Variants in KDM4C observed in about 807,000 individuals in gnomAD.
The protein encoded by KDM4C is lysine-specific demethylase 4C.
A neutral mutation model predicts 129.3 loss-of-function variants in KDM4C; 81 were observed. That is an observed-to-expected ratio of 0.63 (90% CI 0.52 to 0.75). The LOEUF is 0.75. KDM4C is among the 30% of genes least tolerant of loss of function. KDM4C has a pLI of 0.00. For synonymous variants in KDM4C, 573 were observed against 456.1 expected, an observed-to-expected ratio of 1.26 and a Z score of -3.26; for missense variants, 1,457 against 1,304.0, an observed-to-expected ratio of 1.12 and a Z score of -1.81.
intron 19 of KDM4C, among the ~76,000 whole-genome samples, chr9:7,136,355 G>C (rs545824403): frequency 6.6e-6 from 1 of 152,302 alleles, no homozygotes; most frequent in South Asian, 2.1e-4. Context: ...TTAGGAGTGA[G>C]ATTACTAAGT....
At chr9:7,056,351 A>AG (rs1830866077) in intron 17 of KDM4C, among the ~76,000 whole-genome samples, 1 of 16,574 alleles carries the variant, frequency 6.0e-5, no homozygotes, top group African/African-American at 2.1e-4. Context: ...AGTGTAGTGC[A>AG]AAAAAAAAAA....
chr9:7,044,367 C>T (rs1352363281), intron 15 of KDM4C, among the ~76,000 whole-genome samples: 1 of 151,978 alleles, frequency 6.6e-6, no homozygotes, highest in African/African-American at 2.4e-5. Flanking sequence ...TTCTAGCCCT[C>T]TGAGGCCATA....
intron 1 of KDM4C, among the ~76,000 whole-genome samples, chr9:6,788,356 A>C (rs1468707100): frequency 6.6e-6 from 1 of 152,200 alleles, no homozygotes; most frequent in Non-Finnish European, 1.5e-5. Context: ...TGCCTAGGGA[A>C]ATGCTCGGGC....
At chr9:6,857,718 G>A (rs192022090) in intron 5 of KDM4C, among the ~76,000 whole-genome samples, 5 of 151,522 alleles carry the variant, frequency 3.3e-5, no homozygotes, top group African/African-American at 7.3e-5. Context: ...GTCAGTCAAC[G>A]TGCAAAGCAA....
At chr9:6,957,479 G>T (rs943397835) in intron 8 of KDM4C, among the ~76,000 whole-genome samples, 1 of 152,012 alleles carries the variant, frequency 6.6e-6, no homozygotes, top group African/African-American at 2.4e-5. Context: ...TTTAGAGCTT[G>T]TTAATACCAC....
At position 6,758,014 on chromosome 9, in the gene KDM4C, A is replaced by T. The variant is rs533479364; in HGVS notation, c.-207A>T. On this transcript the variant is annotated 5_prime_UTR_variant, in exon 1 of 22. Coordinates refer to ENST00000381309, the MANE Select transcript of KDM4C (RefSeq NM_015061.6). The surrounding 1 kb of genome is among the most constrained non-coding windows in gnomAD (Gnocchi z 4.6). ...GCGCCTTCGCCGCTGCCTCCCACCC[A>T]CCCCCTCGACGGGAGGGTGAGGCGC... 1 of 984,542 alleles carries T rather than the reference A, an allele frequency of 1.0e-6. No homozygotes were observed. The highest frequency in any genetic ancestry group is 6.2e-5 in the Admixed American group (1 of 16,238). The allele number at this position is 984,542 out of a possible 1,614,324, so 61.0% of individuals were successfully genotyped here.
intron 10 of KDM4C, among the ~76,000 whole-genome samples, chr9:6,984,718 C>G (rs1045213687): frequency 1.3e-5 from 2 of 151,212 alleles, no homozygotes; most frequent in African/African-American, 4.9e-5. Context: ...TGGAAGGCTT[C>G]TTTTGAATTC....
In KDM4C at chr9:6,729,225, A is replaced by AAAAAAAG. The variant is rs1380989308; in HGVS notation, c.49+8230_49+8231insAAAAGAA. ...TCTCCAAAAAAAAAAAAAAAAAAAAAAAGAAGAAGAAAAGAAATAAATGGA... is the reference window on the plus strand; with the variant it reads ...TCTCCAAAAAAAAAAAAAAAAAAAAAAAAAAAGAAGAAGAAGAAAAGAAATAAATGGA... On this transcript the variant is annotated intron_variant, in intron 1 of 17. Transcript: ENST00000536108. Among the ~76,000 whole-genome samples the AAAAAAAG allele has an allele frequency of 4.2e-5, 5 of 120,394 alleles. 1 individual carries two copies. Among genetic ancestry groups the AAAAAAAG allele is most frequent in the African/African-American group, 1.1e-4 (3 of 27,604 alleles). 79.0% of individuals were successfully genotyped at this position (120,394 alleles called of 152,430 possible).
chr9:6,824,148 A>G (rs1285636834), intron 4 of KDM4C, among the ~76,000 whole-genome samples: 1 of 152,238 alleles, frequency 6.6e-6, no homozygotes, highest in Non-Finnish European at 1.5e-5. Context: ...AAATTATTGT[A>G]GCAAATAGTT....
At chr9:7,054,664 G>A (rs900446096) in intron 17 of KDM4C, among the ~76,000 whole-genome samples, 1 of 152,192 alleles carries the variant, frequency 6.6e-6, no homozygotes, top group Non-Finnish European at 1.5e-5. Context: ...TTAAAAAGAA[G>A]TATGGATTTC....
chr9:6,783,414 C>G (rs4742264), intron 1 of KDM4C, among the ~76,000 whole-genome samples: 1 of 151,942 alleles, frequency 6.6e-6, no homozygotes, highest in Non-Finnish European at 1.5e-5. Context: ...CAGCTTTATA[C>G]TCATCTTCAA....
At chr9:7,006,830 A>G (rs556231737) in intron 12 of KDM4C, among the ~76,000 whole-genome samples, 1 of 152,284 alleles carries the variant, frequency 6.6e-6, no homozygotes, top group Non-Finnish European at 1.5e-5. Flanking sequence ...GGTCTAAGTG[A>G]GAATGAATAC....
At chr9:7,024,112 G>A (rs139459773) in intron 15 of KDM4C, among the ~76,000 whole-genome samples, 57 of 152,184 alleles carry the variant, frequency 3.7e-4, no homozygotes, top group African/African-American at 1.2e-3. Flanking sequence ...TGTGACCTTC[G>A]TATGAAATGT....
chr9:6,993,897 G>T (rs2821455), intron 12 of KDM4C, among the ~76,000 whole-genome samples: 1 of 152,304 alleles, frequency 6.6e-6, no homozygotes, highest in African/African-American at 2.4e-5. Flanking sequence ...ATTCAATGCT[G>T]CCTGCTCTCT....
chr9:6,835,059 G>A lies in KDM4C; in HGVS notation c.436-14448G>A, dbSNP rs368082361. 4.1e-5 allele frequency: 39 copies of A among 959,696 alleles called. No homozygotes were observed. The East Asian group carries it at 5.0e-4, about 12-fold the overall frequency. The allele number at this position is 959,696 out of a possible 1,614,324, so 59.4% of individuals were successfully genotyped here. ...AGCGTGGCTACAGCTTCACCACCAC[G>A]GCTGAGTGGGATATCGTGCGTGACA... On this transcript the variant is annotated intron_variant, in intron 4 of 21. Coordinates refer to ENST00000381309, the MANE Select transcript of KDM4C (RefSeq NM_015061.6).
At chr9:7,089,740 C>T (rs1239965586) in intron 17 of KDM4C, among the ~76,000 whole-genome samples, 2 of 152,170 alleles carry the variant, frequency 1.3e-5, no homozygotes, top group African/African-American at 4.8e-5. Context: ...ATGTAATTCC[C>T]AAAGGGTGGG....
chr9:7,133,011 A>G (rs905381238), intron 19 of KDM4C, among the ~76,000 whole-genome samples: 6 of 152,198 alleles, frequency 3.9e-5, no homozygotes, highest in Admixed American at 3.3e-4. Context: ...GGGGGTGAGT[A>G]GTTATGGCCT....
intron 8 of KDM4C, among the ~76,000 whole-genome samples, chr9:6,905,316 C>T (rs768053741): frequency 3.3e-5 from 5 of 152,050 alleles, no homozygotes; most frequent in African/African-American, 4.8e-5. Context: ...CCCTGATTAG[C>T]CCTTGTATGA....
At chr9:6,873,925 A>C (rs948841256) in intron 5 of KDM4C, among the ~76,000 whole-genome samples, 1 of 137,560 alleles carries the variant, frequency 7.3e-6, no homozygotes, top group African/African-American at 2.7e-5. Flanking sequence ...CGAGAGAGAG[A>C]GAGAGTGAGA....
Sources: gnomAD v4.1 joint callset for allele counts (sites outside exome capture counted in the v4.1 genomes callset) on GRCh38, gnomAD v4.1.1 for gene constraint, Gnocchi (gnomAD v3.1) non-coding constraint, MANE v1.5 for transcripts, NCBI Gene and HGNC (gene_info 2026-07-23, HGNC 2026-07-21) for gene names.